RBMS3: variants seen among roughly 807,000 people sequenced by gnomAD.
RBMS3 encodes the protein RNA-binding motif, single-stranded-interacting protein 3.
A neutral mutation model predicts 66.8 loss-of-function variants in RBMS3; 27 were observed. The observed-to-expected ratio is 0.40, with a 90% CI of 0.30 to 0.56. The LOEUF (loss-of-function observed/expected upper bound fraction) is 0.56. RBMS3 is among the 20% of genes least tolerant of loss of function. The probability of loss-of-function intolerance (pLI) is 0.40; values close to 1 mark genes in which losing one functional copy is unlikely to be tolerated. For missense variants in RBMS3, 513 were observed against 549.5 expected (o/e 0.93, Z 0.66); for synonymous variants, 188 against 183.0 (o/e 1.03, Z -0.22).
intron 4 of RBMS3, among the ~76,000 whole-genome samples, chr3:29,731,337 G>A (rs1438639322): frequency 6.6e-6 from 1 of 152,134 alleles, no homozygotes; most frequent in Non-Finnish European, 1.5e-5. Flanking sequence ...TTATCTTAGG[G>A]AAATTGTTCT....
chr3:29,421,521 GTTAT>G (rs910264112), intron 1 of RBMS3, among the ~76,000 whole-genome samples: 1 of 152,078 alleles, frequency 6.6e-6, no homozygotes, highest in Non-Finnish European at 1.5e-5. Flanking sequence ...TAGTTGGTGT[GTTAT>G]TTAACGTATA....
At chr3:29,907,935 T>G (rs530388164) in intron 10 of RBMS3, among the ~76,000 whole-genome samples, 1 of 151,822 alleles carries the variant, frequency 6.6e-6, no homozygotes, top group East Asian at 1.9e-4. Flanking sequence ...AGGCTAAAAC[T>G]TTATAATCTA....
At chr3:29,566,619 C>T (rs1477485527) in intron 3 of RBMS3, among the ~76,000 whole-genome samples, 2 of 128,926 alleles carry the variant, frequency 1.6e-5, no homozygotes, top group Non-Finnish European at 3.2e-5. Flanking sequence ...TGTTGTCATT[C>T]TGCAAAGCAA....
chr3:29,494,274 C>T (rs1223156895), intron 3 of RBMS3, among the ~76,000 whole-genome samples: 1 of 152,174 alleles, frequency 6.6e-6, no homozygotes, highest in Admixed American at 6.5e-5. Flanking sequence ...TCCTGAATCC[C>T]ACCCACACCC....
chr3:29,548,434 A>C (rs2046053309), intron 3 of RBMS3, among the ~76,000 whole-genome samples: 1 of 129,518 alleles, frequency 7.7e-6, no homozygotes, highest in South Asian at 2.3e-4. Flanking sequence ...TGTCTCTTAA[A>C]AACAAACAAA....
At chr3:29,344,109 C>T (rs577598629) in intron 1 of RBMS3, among the ~76,000 whole-genome samples, 1 of 152,268 alleles carries the variant, frequency 6.6e-6, no homozygotes, top group East Asian at 1.9e-4. Flanking sequence ...TTACATTTTT[C>T]TCCCTTTTCT....
chr3:29,380,971 A>G (rs960476308), intron 1 of RBMS3, among the ~76,000 whole-genome samples: 1 of 152,172 alleles, frequency 6.6e-6, no homozygotes, highest in African/African-American at 2.4e-5. Flanking sequence ...TCTAAACTAC[A>G]TGCTGTGCCA....
chr3:29,309,676 T>C (rs1290677368), intron 1 of RBMS3, among the ~76,000 whole-genome samples: 4 of 151,612 alleles, frequency 2.6e-5, no homozygotes, highest in Non-Finnish European at 5.9e-5. Flanking sequence ...ATGAGTATTA[T>C]TATAGCAAAG....
intron 5 of RBMS3, among the ~76,000 whole-genome samples, chr3:29,760,972 G>T (rs576134940): frequency 6.6e-6 from 1 of 151,798 alleles, no homozygotes. Flanking sequence ...GGATCCATTG[G>T]GTCACCTGAT....
At chr3:29,504,236 C>A (rs2044094776) in intron 3 of RBMS3, among the ~76,000 whole-genome samples, 1 of 152,078 alleles carries the variant, frequency 6.6e-6, no homozygotes, top group African/African-American at 2.4e-5. Context: ...AAAAAAATGA[C>A]CTCTTGGGTA....
At chr3:29,632,317 CTT>C (rs2049314353) in intron 4 of RBMS3, among the ~76,000 whole-genome samples, 1 of 151,808 alleles carries the variant, frequency 6.6e-6, no homozygotes, top group Non-Finnish European at 1.5e-5. Flanking sequence ...CATTAAATCT[CTT>C]TTGTCATTTT....
At chr3:29,901,554 T>C (rs1026504257) in intron 10 of RBMS3, among the ~76,000 whole-genome samples, 1 of 151,758 alleles carries the variant, frequency 6.6e-6, no homozygotes, top group Non-Finnish European at 1.5e-5. Flanking sequence ...ACAAAGCTTT[T>C]CACACACCTC....
At position 29,483,375 on chromosome 3, in the gene RBMS3, TAAC is replaced by T. The variant is rs1453190486; in HGVS notation, c.249-5063_249-5061del. 2.7e-5 allele frequency among the ~76,000 whole-genome samples: 4 copies of T among 150,776 alleles called. No individual in the cohort carries two copies. In the East Asian group the frequency reaches 7.8e-4, roughly 29 times the overall value. ...CCCTTAGTCTCTGGAGTATTGCAAA[TAAC>T]AAACCACATTCTTTGCTGTTTGTGT... On this transcript the variant is annotated intron_variant, in intron 2 of 14. Coordinates refer to ENST00000383767, the MANE Select transcript of RBMS3 (RefSeq NM_001003793.3).
chr3:29,540,176 A>G (rs2045706114), intron 3 of RBMS3, among the ~76,000 whole-genome samples: 1 of 152,214 alleles, frequency 6.6e-6, no homozygotes, highest in Non-Finnish European at 1.5e-5. Flanking sequence ...TTCCTAGTAC[A>G]CATAAAGGGG....
intron 4 of RBMS3, among the ~76,000 whole-genome samples, chr3:29,606,792 T>C (rs1254255008): frequency 1.3e-5 from 2 of 152,022 alleles, no homozygotes; most frequent in East Asian, 1.9e-4. Flanking sequence ...AGACAAATGT[T>C]GCCCATGCCA....
chr3:29,688,790 C>A (rs2051850852), intron 4 of RBMS3, among the ~76,000 whole-genome samples: 1 of 151,794 alleles, frequency 6.6e-6, no homozygotes, highest in Admixed American at 6.6e-5. Context: ...ACTCTGTTGG[C>A]CAGGCTGGTC....
At chr3:29,801,274 T>TTTTTTCTTTTC (rs1310731219) in intron 6 of RBMS3, among the ~76,000 whole-genome samples, 1 of 145,126 alleles carries the variant, frequency 6.9e-6, no homozygotes, top group Non-Finnish European at 1.5e-5. Flanking sequence ...CTTTTTTTCT[T>TTTTTTCTTTTC]TTTTTTTTTT....
rs541880141 is a variant in RBMS3 at position 29,815,980 on chromosome 3, A to G, written c.638-52878A>G. 1.1e-3 allele frequency among the ~76,000 whole-genome samples: 169 copies of G among 152,210 alleles called. 3 individuals are homozygous for G. In the South Asian group the frequency reaches 0.014, roughly 13 times the overall value. On this transcript the variant is annotated intron_variant, in intron 6 of 14. Transcript: ENST00000383767. ...AAAAAAAGAAGAGAGGGTTATGAGT[A>G]TTGAATTGAGTAGTATATTAGCTGT...
At chr3:29,795,891 C>T (rs929160431) in intron 6 of RBMS3, among the ~76,000 whole-genome samples, 1 of 152,186 alleles carries the variant, frequency 6.6e-6, no homozygotes, top group Non-Finnish European at 1.5e-5. Context: ...TTAGTAGCTG[C>T]AATGTACCAG....
Sources: gnomAD v4.1 joint callset for allele counts (sites outside exome capture counted in the v4.1 genomes callset) on GRCh38, gnomAD v4.1.1 for gene constraint, MANE v1.5 for transcripts, NCBI Gene and HGNC (gene_info 2026-07-23, HGNC 2026-07-21) for gene names.